The following SMAD1 variants were observed in gnomAD, a reference collection of about 807,000 sequenced individuals.
SMAD1 encodes the protein MAD, mothers against decapentaplegic homolog 1.
A neutral mutation model predicts 41.6 loss-of-function variants in SMAD1; 6 were observed. The ratio of observed to expected loss-of-function variants is 0.14; its 90% CI spans 0.08 to 0.28. SMAD1 has a LOEUF of 0.28. SMAD1 is among the 10% of genes least tolerant of loss of function. The pLI is 1.00. For synonymous variants in SMAD1, 206 were observed against 203.2 expected, an observed-to-expected ratio of 1.01 and a Z score of -0.12; for missense variants, 379 against 582.6, an observed-to-expected ratio of 0.65 and a Z score of 3.60.
chr4:145,530,754 A>G (rs1731275385), intron 2 of SMAD1, among the ~76,000 whole-genome samples: 1 of 152,172 alleles, frequency 6.6e-6, no homozygotes, highest in East Asian at 1.9e-4. Context: ...AAACAAACAG[A>G]AGGATGGAAA....
chr4:145,539,167 GA>G (rs964063562), intron 2 of SMAD1, among the ~76,000 whole-genome samples: 1 of 152,076 alleles, frequency 6.6e-6, no homozygotes, highest in African/African-American at 2.4e-5. Flanking sequence ...AAGATCCTTA[GA>G]AAAAAGATGT....
At chr4:145,553,673 T>C (rs763398494) in intron 5 of SMAD1, 111 bp from the exon 6 acceptor site, 1 of 999,368 alleles carries the variant, frequency 1.0e-6, no homozygotes, top group Non-Finnish European at 1.5e-6. Flanking sequence ...GCTAGCTAAC[T>C]AGCCAAAGTT....
intron 4 of SMAD1, chr4:145,545,181 A>G (rs530919305): frequency 1.3e-5 from 2 of 152,294 alleles, no homozygotes; most frequent in East Asian, 3.9e-4. Flanking sequence ...CCACAGCTGT[A>G]TTCATTCATT....
intron 6 of SMAD1, 53 bp downstream of exon 6, chr4:145,554,093 T>C: frequency 1.7e-5 from 6 of 343,426 alleles, no homozygotes; most frequent in South Asian, 7.0e-5. Context: ...TTGCTGTGCT[T>C]TTTTTTTTTT....
rs1732967969 is a variant in SMAD1 at position 145,558,474 on chromosome 4, A to G, written c.*540A>G. 1.3e-5 allele frequency among the ~76,000 whole-genome samples: 2 copies of G among 152,212 alleles called. No individual in the cohort carries two copies. Among genetic ancestry groups the G allele is most frequent in the Non-Finnish European group, 2.9e-5 (2 of 68,042 alleles). ...TGATATACATAATAATCTTTCTAAA[A>G]TTGTATGCTGACCATACTTGCTGTC... On this transcript the variant is annotated 3_prime_UTR_variant, in exon 7 of 7. Coordinates refer to ENST00000302085, the MANE Select transcript of SMAD1 (RefSeq NM_005900.3).
At chr4:145,540,099 C>G in intron 3 of SMAD1, 38 bp downstream of exon 3, 1 of 1,611,036 alleles carries the variant, frequency 6.2e-7, no homozygotes. Context: ...GTAGTCATAT[C>G]AGACAGTGTT....
intron 1 of SMAD1, among the ~76,000 whole-genome samples, chr4:145,486,133 A>C (rs1728470991): frequency 6.6e-6 from 1 of 152,202 alleles, no homozygotes; most frequent in South Asian, 2.1e-4. Context: ...TCTTTAAATA[A>C]ATTTACCTTC....
rs1560756258 is a variant in SMAD1, at chr4:145,539,806, C to T, written c.403C>T (p.Leu135Phe). The stretch of plus-strand genomic sequence containing the variant: ...CTTTTTTCCCTTCCTTTTTCTAGTA[C>T]TTCCTCCTGTGCTGGTTCCAAGACA... Reference protein sequence around the residue: ...YHYKRVESPVLPPVLVPRHSE... With the variant: ...YHYKRVESPVFPPVLVPRHSE... Residue 135 changes from leucine to phenylalanine, a missense_variant and splice_region_variant, in exon 3 of 7, where the codon CTT (leucine) becomes TTT (phenylalanine). By Grantham distance (22) the Leu-to-Phe change is conservative. Coordinates refer to ENST00000302085, the MANE Select transcript of SMAD1 (RefSeq NM_005900.3). The T allele has an allele frequency of 3.7e-6, 6 of 1,611,676 alleles. No individual in the cohort carries two copies. Among genetic ancestry groups the T allele is most frequent in the Non-Finnish European group, 4.2e-6 (5 of 1,178,122 alleles).
chr4:145,485,400 TAAAATTAAATA>T (rs1482438933), intron 1 of SMAD1, among the ~76,000 whole-genome samples: 5 of 152,200 alleles, frequency 3.3e-5, no homozygotes. Flanking sequence ...AAGTTTAAAT[TAAAATTAAATA>T]AAAATTCGTT....
At chr4:145,519,395 T>TCA (rs368224282) in intron 2 of SMAD1, among the ~76,000 whole-genome samples, 49,969 of 149,332 alleles carry the variant, frequency 0.33, 10,338 homozygotes, top group Non-Finnish European at 0.48. Context: ...TGAGCCCAGC[T>TCA]GAACCTTTTT....
chr4:145,552,609 A>G (rs1192586117), intron 5 of SMAD1, among the ~76,000 whole-genome samples: 3 of 152,146 alleles, frequency 2.0e-5, no homozygotes, highest in South Asian at 4.1e-4. Flanking sequence ...CACACACAGT[A>G]TGACTTTTCT....
At chr4:145,539,763 T>G (rs1322677617) in intron 2 of SMAD1, 41 bp from the exon 3 acceptor site, 1 of 1,594,934 alleles carries the variant, frequency 6.3e-7, no homozygotes, top group South Asian at 1.1e-5. Context: ...AGATCATAAT[T>G]CTCATGTTTG....
intron 5 of SMAD1, 58 bp from the exon 6 acceptor site, chr4:145,553,726 G>A (rs1732683839): frequency 6.8e-7 from 1 of 1,470,348 alleles, no homozygotes; most frequent in East Asian, 2.3e-5. Flanking sequence ...AGCTGCACAG[G>A]TGCCTTTGAG....
At chr4:145,540,295 T>G (rs1415578935) in intron 3 of SMAD1, among the ~76,000 whole-genome samples, 8 of 152,370 alleles carry the variant, frequency 5.3e-5, no homozygotes, top group Admixed American at 3.9e-4. Flanking sequence ...TATTTTCCCC[T>G]TGTTTTTAAA....
chr4:145,530,626 A>G (rs970315383), intron 2 of SMAD1, among the ~76,000 whole-genome samples: 2 of 152,148 alleles, frequency 1.3e-5, no homozygotes. Context: ...TTATGTTCAC[A>G]TCTTTGTCTT....
chr4:145,557,511 A>T (rs1449112142), intron 6 of SMAD1, among the ~76,000 whole-genome samples: 1 of 152,226 alleles, frequency 6.6e-6, no homozygotes, highest in Non-Finnish European at 1.5e-5. Context: ...TTATTAAGAT[A>T]ACTTTATAAT....
chr4:145,550,699 C>G (rs1732508176), intron 5 of SMAD1, among the ~76,000 whole-genome samples: 2 of 152,114 alleles, frequency 1.3e-5, no homozygotes, highest in South Asian at 4.1e-4. Flanking sequence ...AAGAATCTAT[C>G]TTTTAAAAAT....
At chr4:145,546,601 G>A in intron 4 of SMAD1, 102 bp from the exon 5 acceptor site, 1 of 810,598 alleles carries the variant, frequency 1.2e-6, no homozygotes, top group Non-Finnish European at 2.2e-6. Flanking sequence ...TGCTTTTCCA[G>A]TGTCTTCATT....
chr4:145,484,596 G>A (rs1231636748), intron 1 of SMAD1: 1 of 152,238 alleles, frequency 6.6e-6, no homozygotes, highest in Non-Finnish European at 1.5e-5. Context: ...GTGTGAAAGA[G>A]GGAAAAGGCT....
Sources: allele counts gnomAD v4.1 joint callset (sites outside exome capture counted in the v4.1 genomes callset), GRCh38; gene constraint gnomAD v4.1.1; transcripts MANE v1.5; gene names NCBI Gene and HGNC (gene_info 2026-07-23, HGNC 2026-07-21).